RGL1: variants seen among roughly 807,000 people sequenced by gnomAD.
RGL1 encodes ral guanine nucleotide dissociation stimulator-like 1.
Under a neutral mutation model 95.2 loss-of-function variants are expected in RGL1, and 24 were observed. That is an observed-to-expected ratio of 0.25 (90% confidence interval 0.18 to 0.35). The LOEUF (loss-of-function observed/expected upper bound fraction) is 0.35, where lower values mean the gene tolerates loss of function less well. Among genes scored for constraint, RGL1 ranks in the 10% least tolerant of loss-of-function variants. RGL1 has a pLI of 1.00. For missense variants in RGL1, 715 were observed against 936.3 expected (o/e 0.76, Z 3.08); for synonymous variants, 329 against 344.9 (o/e 0.95, Z 0.51).
chr1:183,722,180 A>T (rs1463931852), intron 1 of RGL1, among the ~76,000 whole-genome samples: 1 of 151,480 alleles, frequency 6.6e-6, no homozygotes, highest in African/African-American at 2.4e-5. Flanking sequence ...GAAGTCAATG[A>T]TGGAGAGGAT....
intron 1 of RGL1, among the ~76,000 whole-genome samples, chr1:183,672,358 A>T (rs1431585684): frequency 6.6e-6 from 1 of 152,090 alleles, no homozygotes; most frequent in Non-Finnish European, 1.5e-5. Flanking sequence ...TCTGAGTCTT[A>T]TTTTCTCAAC....
At chr1:183,873,947 G>C (rs960984893) in intron 4 of RGL1, among the ~76,000 whole-genome samples, 1 of 152,198 alleles carries the variant, frequency 6.6e-6, no homozygotes, top group Admixed American at 6.5e-5. Context: ...CTCAGTTCTA[G>C]TGGTGAAAAC....
chr1:183,711,222 C>T (rs952182604), intron 1 of RGL1, among the ~76,000 whole-genome samples: 1 of 152,212 alleles, frequency 6.6e-6, no homozygotes, highest in African/African-American at 2.4e-5. Flanking sequence ...ACACCCTCTG[C>T]ACTCTACTTT....
Position 183,919,351 on chromosome 1 carries a change from T to G in RGL1, c.2004+2650T>G, listed in dbSNP as rs975465130. Among the ~76,000 whole-genome samples the G allele has an allele frequency of 6.6e-5, 10 of 152,238 alleles. No individual in the cohort carries two copies. In the East Asian group the frequency reaches 1.2e-3, roughly 18 times the overall value. ...AGAATACAGTGACAGCTAGTAGATT[T>G]GTAGTTAGAAACCACTGGACCGATT... On this transcript the variant is annotated intron_variant, in intron 16 of 17. Coordinates refer to ENST00000360851, the MANE Select transcript of RGL1 (RefSeq NM_001297671.3).
chr1:183,648,547 C>T (rs1195436264), intron 1 of RGL1: 2 of 1,614,118 alleles, frequency 1.2e-6, no homozygotes, highest in Non-Finnish European at 8.5e-7. Context: ...CCCTTTTGCA[C>T]CAGGCTACCA....
At chr1:183,684,418 G>C (rs1653428114) in intron 1 of RGL1, among the ~76,000 whole-genome samples, 1 of 152,000 alleles carries the variant, frequency 6.6e-6, no homozygotes, top group African/African-American at 2.4e-5. Context: ...CTTCTAACAG[G>C]CCTCTGTGCT....
At chr1:183,924,060 G>A (rs146461054) in intron 17 of RGL1, among the ~76,000 whole-genome samples, 9 of 152,132 alleles carry the variant, frequency 5.9e-5, no homozygotes, top group Admixed American at 1.3e-4. Flanking sequence ...TTCTTGTGGC[G>A]ATTACTCAAG....
At chr1:183,774,594 T>G (rs1164043854) in intron 2 of RGL1, among the ~76,000 whole-genome samples, 1 of 77,552 alleles carries the variant, frequency 1.3e-5, no homozygotes, top group African/African-American at 4.8e-5. Flanking sequence ...TTTTTTTTTT[T>G]GAGATGGAGT....
chr1:183,901,039 G>A (rs1667987313), intron 11 of RGL1, among the ~76,000 whole-genome samples: 2 of 151,476 alleles, frequency 1.3e-5, no homozygotes, highest in Admixed American at 6.6e-5. Context: ...GGTGGCTCAC[G>A]CCTGTAATCC....
chr1:183,712,027 A>G (rs1655312306), intron 1 of RGL1, among the ~76,000 whole-genome samples: 1 of 152,222 alleles, frequency 6.6e-6, no homozygotes. Flanking sequence ...ACCCTAAATC[A>G]TGTAATTAAA....
intron 3 of RGL1, among the ~76,000 whole-genome samples, chr1:183,862,476 C>T (rs1395885658): frequency 6.6e-6 from 1 of 152,220 alleles, no homozygotes; most frequent in Non-Finnish European, 1.5e-5. Context: ...TTCTAAAAGA[C>T]TTCTTTGGAA....
chr1:183,704,941 G>A (rs1316493202), intron 1 of RGL1, among the ~76,000 whole-genome samples: 4 of 152,198 alleles, frequency 2.6e-5, no homozygotes, highest in Non-Finnish European at 5.9e-5. Context: ...CCTGGAAGGT[G>A]GGTCCCTTAG....
At chr1:183,806,987 A>G (rs1051819660) in intron 2 of RGL1, among the ~76,000 whole-genome samples, 2 of 152,110 alleles carry the variant, frequency 1.3e-5, no homozygotes, top group African/African-American at 2.4e-5. Flanking sequence ...TCTCTTTTCT[A>G]TATCTTGGGA....
At chr1:183,776,370 G>C (rs1335417214) in intron 2 of RGL1, among the ~76,000 whole-genome samples, 4 of 151,676 alleles carry the variant, frequency 2.6e-5, no homozygotes, top group East Asian at 1.9e-4. Context: ...GGATGGTCTC[G>C]ATCTCCTGAC....
intron 4 of RGL1, among the ~76,000 whole-genome samples, chr1:183,869,629 T>A (rs947263401): frequency 6.6e-6 from 1 of 152,242 alleles, no homozygotes; most frequent in Non-Finnish European, 1.5e-5. Flanking sequence ...TCACTGTTTT[T>A]TCCCCACATC....
chr1:183,666,069 G>A (rs1156763746), intron 1 of RGL1, among the ~76,000 whole-genome samples: 1 of 146,134 alleles, frequency 6.8e-6, no homozygotes, highest in African/African-American at 2.5e-5. Flanking sequence ...GCAATGGCGT[G>A]ATCTCGGCTC....
At position 183,689,349 on chromosome 1, in the gene RGL1, G is replaced by T. The variant is rs1009792562; in HGVS notation, c.-32-52777G>T. 4.1e-4 allele frequency among the ~76,000 whole-genome samples: 62 copies of T among 152,242 alleles called. 1 individual carries two copies. The highest frequency in any genetic ancestry group is 1.5e-3 in the African/African-American group (62 of 41,550). On this transcript the variant is annotated intron_variant, in intron 1 of 18. Transcript: ENST00000304685. ...GGCTGACCAGGGAAGGTGAAGAGAG[G>T]ATAAGAGACATTTTATCTTCATGCA...
intron 1 of RGL1, among the ~76,000 whole-genome samples, chr1:183,699,402 C>T (rs1042326644): frequency 3.3e-5 from 5 of 152,152 alleles, no homozygotes; most frequent in Middle Eastern, 3.2e-3. Context: ...TCTCTATGCC[C>T]ACCTTACAGA....
chr1:183,742,169 A>T (rs1288318711), exon 2 of RGL1: 1 of 1,613,948 alleles, frequency 6.2e-7, no homozygotes, highest in Non-Finnish European at 8.5e-7. Context: ...TGGAGGTGAA[A>T]CCTGTGGGAG....
Sources: allele counts gnomAD v4.1 joint callset (sites outside exome capture counted in the v4.1 genomes callset), GRCh38; gene constraint gnomAD v4.1.1; transcripts MANE v1.5; gene names NCBI Gene and HGNC (gene_info 2026-07-23, HGNC 2026-07-21).